Variants in RAC1 observed in about 807,000 individuals in gnomAD.
RAC1 encodes the protein Rac family small GTPase 1.
A neutral mutation model predicts 25.2 loss-of-function variants in RAC1; 2 were observed. That is an observed-to-expected ratio of 0.08 (90% confidence interval 0.03 to 0.25). RAC1 has a LOEUF of 0.25. Among genes scored for constraint, RAC1 ranks in the 10% least tolerant of loss-of-function variants. RAC1 has a pLI of 1.00. For synonymous variants in RAC1, 88 were observed against 94.0 expected, an observed-to-expected ratio of 0.94 and a Z score of 0.37; for missense variants, 50 against 235.7, an observed-to-expected ratio of 0.21 and a Z score of 5.16.
chr7:6,390,997 A>C (rs897358698), intron 2 of RAC1, among the ~76,000 whole-genome samples: 1 of 152,086 alleles, frequency 6.6e-6, no homozygotes, highest in Non-Finnish European at 1.5e-5. Context: ...CCCGGGTTCA[A>C]GCGATTCTCT....
At chr7:6,377,626 C>G (rs1056570111) in intron 1 of RAC1, among the ~76,000 whole-genome samples, 1 of 151,442 alleles carries the variant, frequency 6.6e-6, no homozygotes, top group African/African-American at 2.4e-5. Context: ...ATTAGAGATA[C>G]GTCTTTGGCC....
intron 1 of RAC1, among the ~76,000 whole-genome samples, chr7:6,375,272 C>T (rs1782548485): frequency 6.6e-6 from 1 of 151,758 alleles, no homozygotes; most frequent in African/African-American, 2.4e-5. Context: ...ATTTTTTTTT[C>T]ATAGACGGGG....
chr7:6,391,816 C>G, intron 2 of RAC1, 108 bp from the exon 3 acceptor site: 2 of 1,523,598 alleles, frequency 1.3e-6, no homozygotes, highest in Non-Finnish European at 8.9e-7. Flanking sequence ...GGTGTGGCAG[C>G]CTCCAGGCCC....
chr7:6,401,694 G>T (rs1188472041), intron 4 of RAC1, 174 bp from the exon 5 acceptor site: 1 of 578,226 alleles, frequency 1.7e-6, no homozygotes, highest in South Asian at 2.3e-5. Flanking sequence ...GAACACCTGA[G>T]ATGTTCCTTA....
chr7:6,402,109 G>A, intron 5 of RAC1, 82 bp downstream of exon 5: 1 of 1,510,148 alleles, frequency 6.6e-7, no homozygotes, highest in Non-Finnish European at 9.0e-7. Context: ...GGGAAAGGAG[G>A]GTGTGTGTCT....
intron 1 of RAC1, among the ~76,000 whole-genome samples, chr7:6,379,657 G>A (rs1259908524): frequency 2.0e-5 from 3 of 152,240 alleles, no homozygotes; most frequent in Non-Finnish European, 4.4e-5. Context: ...CGATCTGCCC[G>A]CCTTGGCCTC....
chr7:6,398,806 C>A (rs1043163217), intron 3 of RAC1: 25 of 1,260,654 alleles, frequency 2.0e-5, no homozygotes, highest in Admixed American at 7.8e-5. Flanking sequence ...TATTAAGCCT[C>A]AAGCTCCTTG....
chr7:6,397,024 C>A (rs1783256048), intron 3 of RAC1, among the ~76,000 whole-genome samples: 1 of 134,222 alleles, frequency 7.5e-6, no homozygotes, highest in Non-Finnish European at 1.6e-5. Flanking sequence ...GAGCGAGACT[C>A]CCTCTCAAAA....
chr7:6,374,834 G>C, intron 1 of RAC1, 64 bp downstream of exon 1: 1 of 1,058,310 alleles, frequency 9.4e-7, no homozygotes, highest in South Asian at 4.4e-5. Context: ...GGTTGGGCCC[G>C]GACTGGGGCC....
chr7:6,401,203 G>C (rs1367501912), intron 4 of RAC1, among the ~76,000 whole-genome samples: 1 of 152,162 alleles, frequency 6.6e-6, no homozygotes, highest in African/African-American at 2.4e-5. Context: ...TGATCCACCC[G>C]CCGCAGACTC....
In RAC1 at chr7:6,374,662, C is replaced by A; in HGVS notation, c.-74C>A. 15 of 1,007,584 alleles carry A rather than the reference C, an allele frequency of 1.5e-5. No homozygotes were observed. The highest frequency in any genetic ancestry group is 1.8e-5 in the Non-Finnish European group (15 of 834,872). 62.4% of individuals were successfully genotyped at this position (1,007,584 alleles called of 1,614,324 possible). On this transcript the variant is annotated 5_prime_UTR_variant, in exon 1 of 6. Transcript: ENST00000348035. ...CGCCGCCCGCAAGCCGCGCGCCCGT[C>A]CGCCGCGCCCCGAGCCCGCCGCTTC...
At chr7:6,390,445 C>G (rs1783059378) in intron 2 of RAC1, among the ~76,000 whole-genome samples, 1 of 151,718 alleles carries the variant, frequency 6.6e-6, no homozygotes, top group African/African-American at 2.4e-5. Flanking sequence ...ACTAAAAATA[C>G]AAAAATTAAC....
Position 6,385,035 on chromosome 7 carries a change from G to T in RAC1, c.36-2177G>T, listed in dbSNP as rs571054815. On this transcript the variant is annotated intron_variant, in intron 1 of 5. Coordinates refer to ENST00000348035, the MANE Select transcript of RAC1 (RefSeq NM_006908.5). ...TGGCCCAGCTGGTCTTGAACTCCTG[G>T]GCTCAAGCGATCCACCCACCTCAGC... Among the ~76,000 whole-genome samples, 5 of 151,984 alleles carry T rather than the reference G, an allele frequency of 3.3e-5. No individual in the cohort carries two copies. In the South Asian group the frequency reaches 1.0e-3, roughly 32 times the overall value.
chr7:6,393,889 G>C (rs2115204132), intron 3 of RAC1, among the ~76,000 whole-genome samples: 1 of 152,332 alleles, frequency 6.6e-6, no homozygotes, highest in South Asian at 2.1e-4. Flanking sequence ...TGACAACTCA[G>C]GGGCAGGCCA....
chr7:6,397,838 A>C (rs943763128), intron 3 of RAC1, among the ~76,000 whole-genome samples: 20 of 152,210 alleles, frequency 1.3e-4, no homozygotes, highest in African/African-American at 4.8e-4. Flanking sequence ...AAATACAAAA[A>C]ATTAGCTGGG....
In RAC1 at chr7:6,403,251, C is replaced by T. The variant is rs554159470; in HGVS notation, c.*805C>T. The T allele has an allele frequency of 4.7e-4, 103 of 217,614 alleles. 1 individual carries two copies. Among genetic ancestry groups the T allele is most frequent in the African/African-American group, 1.9e-3 (84 of 44,608 alleles). 13.5% of individuals were successfully genotyped at this position (217,614 alleles called of 1,614,324 possible). On this transcript the variant is annotated 3_prime_UTR_variant, in exon 6 of 6. Transcript: ENST00000348035. ...GGTAAAAACTCTAAAAGGTTAATTT[C>T]TGTCAAATGCAGTAGATGATGAAAG... is the stretch of plus-strand genomic sequence containing the variant.
chr7:6,383,889 G>A (rs1029520333), intron 1 of RAC1, among the ~76,000 whole-genome samples: 10 of 127,054 alleles, frequency 7.9e-5, no homozygotes, highest in African/African-American at 2.9e-4. Flanking sequence ...TGCAACTTCC[G>A]CCTCCCGGGT....
chr7:6,398,596 G>GA, intron 3 of RAC1: 1 of 1,351,702 alleles, frequency 7.4e-7, no homozygotes, highest in African/African-American at 1.5e-5. Flanking sequence ...ATCGATAAGA[G>GA]GTTATATTGA....
intron 1 of RAC1, among the ~76,000 whole-genome samples, chr7:6,380,379 T>G (rs1427120935): frequency 2.6e-5 from 1 of 38,548 alleles, no homozygotes; most frequent in East Asian, 6.0e-4. Context: ...TTATACATAA[T>G]GTGTGTGTGT....
Sources: allele counts gnomAD v4.1 joint callset (sites outside exome capture counted in the v4.1 genomes callset), GRCh38; gene constraint gnomAD v4.1.1; transcripts MANE v1.5; gene names NCBI Gene and HGNC (gene_info 2026-07-23, HGNC 2026-07-21).